The following BRD10 variants were observed in gnomAD, a reference collection of about 807,000 sequenced individuals.
BRD10 encodes the protein bromodomain containing 10, also known as uncharacterized bromodomain-containing protein 10.
the BRD10 span, among the ~76,000 whole-genome samples, chr9:5,977,459 G>A: frequency 6.6e-6 from 1 of 152,290 alleles, no homozygotes; most frequent in East Asian, 1.9e-4. Context: ...TAGGGAATGG[G>A]AGCCTGCTGA....
chr9:5,938,063 T>C, the BRD10 span, among the ~76,000 whole-genome samples: 1 of 152,198 alleles, frequency 6.6e-6, no homozygotes, highest in Non-Finnish European at 1.5e-5. Context: ...AACATGTAAT[T>C]AAGGGAAGTG....
the BRD10 span, among the ~76,000 whole-genome samples, chr9:5,947,960 A>G: frequency 6.6e-6 from 1 of 152,194 alleles, no homozygotes; most frequent in African/African-American, 2.4e-5. Context: ...ACTCCATAGC[A>G]GCTCAGATTA....
chr9:5,968,186 G>C, the BRD10 span: 1 of 1,608,180 alleles, frequency 6.2e-7, no homozygotes, highest in Middle Eastern at 1.7e-4. Context: ...CTTCTTTTTT[G>C]CCCTCATTTT....
At chr9:5,880,956 G>C in the BRD10 span, among the ~76,000 whole-genome samples, 1 of 152,196 alleles carries the variant, frequency 6.6e-6, no homozygotes, top group South Asian at 2.1e-4. Context: ...ACCCGCCTCG[G>C]CCTCCCAAAG....
chr9:5,975,674 G>C, the BRD10 span, among the ~76,000 whole-genome samples: 11 of 152,030 alleles, frequency 7.2e-5, no homozygotes, highest in Non-Finnish European at 1.3e-4. Flanking sequence ...TGAAGACAGA[G>C]AGAGAAACTG....
chr9:5,917,406 G>A, the BRD10 span, among the ~76,000 whole-genome samples: 3 of 152,228 alleles, frequency 2.0e-5, no homozygotes, highest in African/African-American at 4.8e-5. Flanking sequence ...AGAACAGGTT[G>A]AAATGAAGCT....
the BRD10 span, among the ~76,000 whole-genome samples, chr9:5,904,301 A>T: frequency 6.6e-6 from 1 of 152,200 alleles, no homozygotes; most frequent in Non-Finnish European, 1.5e-5. Context: ...ATTGATATTC[A>T]AAGTAGTTAT....
chr9:5,983,945 CAT>C, the BRD10 span, among the ~76,000 whole-genome samples: 1 of 136,924 alleles, frequency 7.3e-6, no homozygotes, highest in African/African-American at 2.8e-5. Context: ...AATACAGAGT[CAT>C]ATATGTATAT....
chr9:5,994,745 TCTC>T, the BRD10 span, among the ~76,000 whole-genome samples: 3 of 152,210 alleles, frequency 2.0e-5, no homozygotes, highest in East Asian at 3.9e-4. Flanking sequence ...CTCCTATACT[TCTC>T]CTACTGAGCA....
At chr9:5,892,454 C>A in the BRD10 span, 1 of 1,608,308 alleles carries the variant, frequency 6.2e-7, no homozygotes, top group East Asian at 2.2e-5. Flanking sequence ...TGTTAGGTGT[C>A]CTGTGCCCTG....
At chr9:5,936,512 A>T in the BRD10 span, among the ~76,000 whole-genome samples, 1 of 152,188 alleles carries the variant, frequency 6.6e-6, no homozygotes, top group Non-Finnish European at 1.5e-5. Flanking sequence ...AAGTAGTGGA[A>T]CATCCACATG....
the BRD10 span, chr9:5,921,045 T>C: frequency 2.5e-6 from 4 of 1,613,920 alleles, no homozygotes; most frequent in Non-Finnish European, 3.4e-6. Flanking sequence ...GAAAGCACAT[T>C]TACTGCTCTT....
chr9:5,919,911 G>A, the BRD10 span: 2 of 1,613,992 alleles, frequency 1.2e-6, no homozygotes, highest in Non-Finnish European at 1.7e-6. Flanking sequence ...CTTGGCAGTG[G>A]AGGATTACTG....
chr9:5,923,065 T>C, the BRD10 span: 2 of 1,614,034 alleles, frequency 1.2e-6, no homozygotes, highest in Admixed American at 3.3e-5. Context: ...CTGTATGCTT[T>C]GATTCACTGA....
At chr9:5,904,320 T>A in the BRD10 span, among the ~76,000 whole-genome samples, 1 of 152,350 alleles carries the variant, frequency 6.6e-6, no homozygotes, top group South Asian at 2.1e-4. Context: ...ATTGATATAG[T>A]TGGATTGATA....
chr9:5,902,262 T>C, the BRD10 span, among the ~76,000 whole-genome samples: 1 of 152,204 alleles, frequency 6.6e-6, no homozygotes, highest in Non-Finnish European at 1.5e-5. Flanking sequence ...AATTGTTACA[T>C]TCACCTAGGT....
At chr9:5,897,018 G>A in the BRD10 span, among the ~76,000 whole-genome samples, 1 of 152,176 alleles carries the variant, frequency 6.6e-6, no homozygotes, top group Non-Finnish European at 1.5e-5. Flanking sequence ...GATCACCAGC[G>A]AGTCATGTAT....
At chr9:5,968,531 G>T in the BRD10 span, 1 of 1,613,210 alleles carries the variant, frequency 6.2e-7, no homozygotes, top group Non-Finnish European at 8.5e-7. Context: ...TTCATAGTTG[G>T]ATTTTACTCC....
chr9:5,991,896 T>C, the BRD10 span, among the ~76,000 whole-genome samples: 1 of 152,206 alleles, frequency 6.6e-6, no homozygotes, highest in Non-Finnish European at 1.5e-5. Flanking sequence ...CTTAGCTCTT[T>C]GTATTCCAGC....
Sources: gnomAD v4.1 joint callset for allele counts (sites outside exome capture counted in the v4.1 genomes callset) on GRCh38, gnomAD v4.1.1 for gene constraint, MANE v1.5 for transcripts, NCBI Gene and HGNC (gene_info 2026-07-23, HGNC 2026-07-21) for gene names.